Variants in UNC13C observed in about 807,000 individuals in gnomAD.
UNC13C encodes the protein unc-13 homolog C, also known as protein unc-13 homolog C.
UNC13C carries 174 observed loss-of-function variants against 245.4 expected under a neutral mutation model. The observed-to-expected ratio is 0.71, with a 90% CI of 0.63 to 0.80. The LOEUF is 0.80. Among genes scored for constraint, UNC13C ranks in the 30% least tolerant of loss-of-function variants. UNC13C has a pLI of 0.00. For synonymous variants in UNC13C, 992 were observed against 895.1 expected (o/e 1.11, Z -1.93); for missense variants, 2,829 against 2,602.9 (o/e 1.09, Z -1.89).
chr15:54,145,515 GC>G (rs2032216369), intron 4 of UNC13C, among the ~76,000 whole-genome samples: 2 of 152,088 alleles, frequency 1.3e-5, no homozygotes, highest in Non-Finnish European at 2.9e-5. Flanking sequence ...AGTTATAAAA[GC>G]AGCTGTGGTG....
chr15:54,569,163 CT>C (rs1897640693), intron 30 of UNC13C, among the ~76,000 whole-genome samples: 1 of 149,990 alleles, frequency 6.7e-6, no homozygotes, highest in South Asian at 2.1e-4. Context: ...GTATATAAAA[CT>C]TTTGCTTCAT....
intron 26 of UNC13C, among the ~76,000 whole-genome samples, chr15:54,535,988 T>A (rs927564523): frequency 1.1e-4 from 16 of 151,850 alleles, no homozygotes; most frequent in Non-Finnish European, 2.2e-4. Context: ...CCAGAATCAG[T>A]TGAACTGAAT....
chr15:54,411,651 G>T (rs929483427), intron 18 of UNC13C, among the ~76,000 whole-genome samples: 12 of 152,196 alleles, frequency 7.9e-5, no homozygotes, highest in Non-Finnish European at 1.3e-4. Flanking sequence ...AGCCACTCTT[G>T]TAAGAGTAGC....
At chr15:53,944,602 G>C in the UNC13C span, among the ~76,000 whole-genome samples, 1 of 151,852 alleles carries the variant, frequency 6.6e-6, no homozygotes, top group Non-Finnish European at 1.5e-5. Context: ...ATTCTTTTTT[G>C]TTGCTGTATA....
At chr15:54,626,505 A>G (rs1566947349) in intron 32 of UNC13C, among the ~76,000 whole-genome samples, 1 of 152,090 alleles carries the variant, frequency 6.6e-6, no homozygotes. Flanking sequence ...AAATTCTACC[A>G]AGAGGTACCC....
the UNC13C span, among the ~76,000 whole-genome samples, chr15:53,844,966 G>A: frequency 6.7e-3 from 1,020 of 152,242 alleles, 6 homozygotes; most frequent in Non-Finnish European, 9.5e-3. Flanking sequence ...AGGTGTTAAA[G>A]CAGTGAGCCT....
downstream of UNC13C, chr15:54,629,008 TCACAATAG>T (rs2141328149): frequency 6.6e-6 from 1 of 152,268 alleles, no homozygotes; most frequent in South Asian, 2.1e-4. Flanking sequence ...GCAGCACTAT[TCACAATAG>T]CAAACACATG....
At chr15:54,119,355 G>A (rs951092082) in intron 2 of UNC13C, among the ~76,000 whole-genome samples, 3 of 151,952 alleles carry the variant, frequency 2.0e-5, no homozygotes, top group Non-Finnish European at 2.9e-5. Flanking sequence ...ATTATTATGT[G>A]TATTATAGTG....
At chr15:54,503,617 A>G (rs953331707) in intron 22 of UNC13C, among the ~76,000 whole-genome samples, 12 of 152,116 alleles carry the variant, frequency 7.9e-5, no homozygotes, top group African/African-American at 2.9e-4. Flanking sequence ...CATTTTTAGT[A>G]GAGACAGGGT....
intron 18 of UNC13C, among the ~76,000 whole-genome samples, chr15:54,409,915 G>C (rs2040382859): frequency 6.6e-6 from 1 of 152,172 alleles, no homozygotes. Context: ...TGAGTTAAAT[G>C]GTAGTTGTAT....
At chr15:54,354,393 T>G (rs1419121221) in intron 17 of UNC13C, among the ~76,000 whole-genome samples, 1 of 152,220 alleles carries the variant, frequency 6.6e-6, no homozygotes, top group Non-Finnish European at 1.5e-5. Flanking sequence ...GATTCGGTGC[T>G]GCTTCTACTG....
rs1251169408 is a variant in UNC13C, at chr15:54,109,296, TTCCCC to T, written c.2984-33702_2984-33698del. Among the ~76,000 whole-genome samples, 188 of 22,642 alleles carry T rather than the reference TTCCCC, an allele frequency of 8.3e-3. 1 individual carries two copies. The highest frequency in any genetic ancestry group is 0.025 in the African/African-American group (145 of 5,854). 14.9% of individuals were successfully genotyped at this position (22,642 alleles called of 152,430 possible). On this transcript the variant is annotated intron_variant, in intron 2 of 32. Transcript: ENST00000260323. ...CTCCCCTCCCCTCCCCTCCCCTCCC[TTCCCC>T]TCCCCTCCCCTCCCCTCCCTTTCCT...
At chr15:54,471,196 A>G (rs759106983) in intron 19 of UNC13C, among the ~76,000 whole-genome samples, 3 of 151,470 alleles carry the variant, frequency 2.0e-5, no homozygotes, top group Non-Finnish European at 4.4e-5. Flanking sequence ...TGGATAGAAT[A>G]TTCTGAATAT....
At chr15:53,871,219 T>G in the UNC13C span, among the ~76,000 whole-genome samples, 2 of 152,226 alleles carry the variant, frequency 1.3e-5, no homozygotes, top group African/African-American at 4.8e-5. Context: ...GCCAACCCCA[T>G]CCCTATGCCC....
the UNC13C span, among the ~76,000 whole-genome samples, chr15:53,944,348 A>G: frequency 6.6e-6 from 1 of 152,036 alleles, no homozygotes; most frequent in African/African-American, 2.4e-5. Flanking sequence ...AGATTATTTT[A>G]TCACCCAGGT....
intron 17 of UNC13C, among the ~76,000 whole-genome samples, chr15:54,350,781 C>G (rs2038965189): frequency 1.3e-5 from 2 of 152,120 alleles, no homozygotes; most frequent in South Asian, 2.1e-4. Context: ...GAGGTATAAT[C>G]AATATTGTGT....
At chr15:54,346,254 G>A (rs576652400) in intron 17 of UNC13C, among the ~76,000 whole-genome samples, 1 of 152,240 alleles carries the variant, frequency 6.6e-6, no homozygotes, top group Admixed American at 6.5e-5. Context: ...AAAAGGCAGT[G>A]CCTTAGTTAC....
chr15:54,007,673 C>G (rs1398869022), intron 1 of UNC13C, among the ~76,000 whole-genome samples: 1 of 152,138 alleles, frequency 6.6e-6, no homozygotes, highest in African/African-American at 2.4e-5. Flanking sequence ...AGGCTTAATA[C>G]CTATGTAATG....
intron 19 of UNC13C, among the ~76,000 whole-genome samples, chr15:54,431,423 G>T (rs1211423090): frequency 6.6e-6 from 1 of 151,422 alleles, no homozygotes; most frequent in Non-Finnish European, 1.5e-5. Flanking sequence ...ATGTCTAATA[G>T]GGTATCTAAT....
Sources: allele counts gnomAD v4.1 joint callset (sites outside exome capture counted in the v4.1 genomes callset), GRCh38; gene constraint gnomAD v4.1.1; transcripts MANE v1.5; gene names NCBI Gene and HGNC (gene_info 2026-07-23, HGNC 2026-07-21).